The following SUGCT variants were observed in gnomAD, a reference collection of about 807,000 sequenced individuals.
The protein encoded by SUGCT is succinyl-CoA:glutarate CoA-transferase.
SUGCT carries 41 observed loss-of-function variants against 55.0 expected under a neutral mutation model. The ratio of observed to expected loss-of-function variants is 0.74; its 90% CI spans 0.58 to 0.97. The LOEUF is 0.97. SUGCT is among the 50% of genes least tolerant of loss of function. The pLI is 0.00. For synonymous variants in SUGCT, 187 were observed against 200.4 expected, an observed-to-expected ratio of 0.93 and a Z score of 0.56; for missense variants, 568 against 547.8, an observed-to-expected ratio of 1.04 and a Z score of -0.37.
chr7:40,814,003 T>A (rs1046769869), intron 13 of SUGCT, among the ~76,000 whole-genome samples: 2 of 152,204 alleles, frequency 1.3e-5, no homozygotes, highest in Admixed American at 1.3e-4. Flanking sequence ...AAATTCTTGG[T>A]TGGAACTCTT....
At position 40,591,726 on chromosome 7, in the gene SUGCT, A is replaced by G. The variant is rs1323797155; in HGVS notation, c.1089+95340A>G. On this transcript the variant is annotated intron_variant, in intron 12 of 13. Coordinates refer to ENST00000335693, the MANE Select transcript of SUGCT (RefSeq NM_001193313.2). ...CGCTTTGATCAGTCAGCAGCCATCA[A>G]CATCAAGGCAAGACCCTCCACCAGT... is the stretch of plus-strand genomic sequence containing the variant. 2.6e-5 allele frequency among the ~76,000 whole-genome samples: 4 copies of G among 152,228 alleles called. No homozygotes were observed. The East Asian group carries it at 7.7e-4, about 29-fold the overall frequency.
In SUGCT at chr7:40,163,371, C is replaced by A. The variant is rs112064837; in HGVS notation, c.101-17576C>A. On this transcript the variant is annotated intron_variant, in intron 1 of 13. Transcript: ENST00000335693. ...CTGTAATCCCAGCACTTTGGGAGGT[C>A]GAGGTGGGCAGATTACAAGGTCAGG... Among the ~76,000 whole-genome samples, 715 of 152,112 alleles carry A rather than the reference C, an allele frequency of 4.7e-3. 7 individuals carry two copies. Among genetic ancestry groups the A allele is most frequent in the African/African-American group, 0.016 (671 of 41,496 alleles).
At chr7:40,607,702 T>C (rs1798595229) in intron 12 of SUGCT, among the ~76,000 whole-genome samples, 1 of 152,170 alleles carries the variant, frequency 6.6e-6, no homozygotes, top group Non-Finnish European at 1.5e-5. Flanking sequence ...AGCTAAGACT[T>C]GTTGAGTGCA....
chr7:40,622,757 G>A (rs1460429964), intron 12 of SUGCT, among the ~76,000 whole-genome samples: 2 of 151,622 alleles, frequency 1.3e-5, no homozygotes, highest in African/African-American at 4.8e-5. Context: ...TGGCTGTCGG[G>A]GTGGGAAGAT....
intron 9 of SUGCT, among the ~76,000 whole-genome samples, chr7:40,386,319 C>A (rs941805831): frequency 1.3e-4 from 20 of 152,282 alleles, no homozygotes; most frequent in African/African-American, 4.6e-4. Context: ...TTTAATTCAA[C>A]TAAATCCAAC....
At chr7:40,267,660 G>A (rs942251957) in intron 7 of SUGCT, among the ~76,000 whole-genome samples, 1 of 152,250 alleles carries the variant, frequency 6.6e-6, no homozygotes, top group African/African-American at 2.4e-5. Flanking sequence ...GTGGAAGGGG[G>A]TTGTACCTTG....
At chr7:40,418,945 G>A (rs757137637) in intron 9 of SUGCT, among the ~76,000 whole-genome samples, 12 of 152,074 alleles carry the variant, frequency 7.9e-5, no homozygotes, top group Non-Finnish European at 1.5e-4. Context: ...ATTCATCAAG[G>A]TCTTGAAATG....
At chr7:40,809,758 G>A (rs1776562118) in intron 13 of SUGCT, among the ~76,000 whole-genome samples, 1 of 152,032 alleles carries the variant, frequency 6.6e-6, no homozygotes, top group Non-Finnish European at 1.5e-5. Context: ...TCAACAGTTA[G>A]TTTTTTAGCC....
the SUGCT span, among the ~76,000 whole-genome samples, chr7:41,018,599 A>T: frequency 1.3e-5 from 2 of 152,184 alleles, no homozygotes; most frequent in Non-Finnish European, 2.9e-5. Context: ...TCAGAGATTG[A>T]TAGTATTTAA....
intron 1 of SUGCT, among the ~76,000 whole-genome samples, chr7:40,166,522 G>T (rs746569405): frequency 6.6e-6 from 1 of 152,164 alleles, no homozygotes; most frequent in Non-Finnish European, 1.5e-5. Flanking sequence ...CATTAGTCAT[G>T]AGTGAGATGC....
At chr7:40,829,716 C>T (rs1792553511) in intron 13 of SUGCT, among the ~76,000 whole-genome samples, 1 of 152,086 alleles carries the variant, frequency 6.6e-6, no homozygotes, top group Admixed American at 6.5e-5. Context: ...GTGGGTTCTC[C>T]TCCCTTTCCT....
the SUGCT span, among the ~76,000 whole-genome samples, chr7:40,907,140 TGAGAGAGAGA>T: frequency 3.4e-5 from 1 of 29,136 alleles, no homozygotes; most frequent in Non-Finnish European, 9.2e-5. Context: ...TGTGTGTGTG[TGAGAGAGAGA>T]GAGAGAGAGA....
intron 8 of SUGCT, among the ~76,000 whole-genome samples, chr7:40,295,240 T>C (rs979711723): frequency 1.3e-5 from 2 of 152,148 alleles, no homozygotes; most frequent in Non-Finnish European, 2.9e-5. Context: ...TGATAACTAC[T>C]ATGAAAAGTT....
chr7:40,554,305 C>T lies in SUGCT; in HGVS notation c.1089+57919C>T, dbSNP rs11984416. Among the ~76,000 whole-genome samples, 1,035 of 152,288 alleles carry T rather than the reference C, an allele frequency of 6.8e-3. 17 individuals are homozygous for T. Among genetic ancestry groups the T allele is most frequent in the African/African-American group, 0.023 (962 of 41,568 alleles). On this transcript the variant is annotated intron_variant, in intron 12 of 13. Coordinates refer to ENST00000335693, the MANE Select transcript of SUGCT (RefSeq NM_001193313.2). ...TGGTGGATGGTTTCCCTAAATGTAA[C>T]AACAGATCTGGAGAGTTTAGTGGCA...
intron 12 of SUGCT, among the ~76,000 whole-genome samples, chr7:40,583,492 A>G (rs1173737169): frequency 6.6e-6 from 1 of 152,142 alleles, no homozygotes; most frequent in African/African-American, 2.4e-5. Flanking sequence ...CTGGAATTGT[A>G]TGATGATATT....
Position 40,746,010 on chromosome 7 carries a change from A to G in SUGCT, c.1090-3424A>G, listed in dbSNP as rs77348365. On this transcript the variant is annotated intron_variant, in intron 12 of 13. Transcript: ENST00000335693. ...ATGAGAAAAGAACAAGGAAACATTT[A>G]GTAACCATTCACCAAAAAATGTTAT... Among the ~76,000 whole-genome samples the G allele has an allele frequency of 4.6e-5, 7 of 152,358 alleles. No homozygotes were observed. In the East Asian group the frequency reaches 1.3e-3, roughly 29 times the overall value.
At chr7:40,330,335 A>G (rs1185303616) in intron 9 of SUGCT, among the ~76,000 whole-genome samples, 1 of 152,204 alleles carries the variant, frequency 6.6e-6, no homozygotes, top group Non-Finnish European at 1.5e-5. Flanking sequence ...ATATAGGGAC[A>G]TTTACAGGTA....
intron 12 of SUGCT, among the ~76,000 whole-genome samples, chr7:40,702,725 G>A (rs1366411453): frequency 6.6e-6 from 1 of 152,130 alleles, no homozygotes; most frequent in African/African-American, 2.4e-5. Context: ...ATGTAACAAG[G>A]TGTTCTTTTA....
At chr7:40,230,557 A>G (rs1267047885) in intron 6 of SUGCT, among the ~76,000 whole-genome samples, 1 of 152,196 alleles carries the variant, frequency 6.6e-6, no homozygotes, top group African/African-American at 2.4e-5. Flanking sequence ...GGATTTGGGA[A>G]TTACTTGGCA....
Sources: allele counts gnomAD v4.1 joint callset (sites outside exome capture counted in the v4.1 genomes callset), GRCh38; gene constraint gnomAD v4.1.1; transcripts MANE v1.5; gene names NCBI Gene and HGNC (gene_info 2026-07-23, HGNC 2026-07-21).